The following TAF4 variants were observed in gnomAD, a reference collection of about 807,000 sequenced individuals.
TAF4 encodes transcription initiation factor TFIID subunit 4.
Under a neutral mutation model 90.3 loss-of-function variants are expected in TAF4, and 9 were observed. The observed-to-expected ratio is 0.10, with a 90% CI of 0.06 to 0.17. TAF4 has a LOEUF of 0.17. Among genes scored for constraint, TAF4 ranks in the 10% least tolerant of loss-of-function variants. The pLI, the probability that TAF4 is intolerant of heterozygous loss-of-function variation, is 1.00. For synonymous variants in TAF4, 818 were observed against 638.9 expected, an observed-to-expected ratio of 1.28 and a Z score of -4.23; for missense variants, 1,351 against 1,370.7, an observed-to-expected ratio of 0.99 and a Z score of 0.23.
chr20:62,003,954 C>A, intron 7 of TAF4, 76 bp from the exon 8 acceptor site: 1 of 1,467,878 alleles, frequency 6.8e-7, no homozygotes. Flanking sequence ...GCAGGAGGTT[C>A]TTCCCTTCCC....
intron 2 of TAF4, 26 bp downstream of exon 2, chr20:62,014,521 G>C (rs1358385434): frequency 6.4e-7 from 1 of 1,572,322 alleles, no homozygotes; most frequent in Non-Finnish European, 8.6e-7. Flanking sequence ...GAAGGGGTTC[G>C]CACTCCAGGG....
chr20:61,994,161 C>T lies in TAF4; in HGVS notation c.3090+3389G>A, dbSNP rs1441371011. ...CACCTCCCCCACAAAAAAGTAAGTCCTTAACTCTAAGTGCTCTTCTCGATA... is the reference window on the plus strand; with the variant it reads ...CACCTCCCCCACAAAAAAGTAAGTCTTTAACTCTAAGTGCTCTTCTCGATA... On this transcript the variant is annotated intron_variant, in intron 14 of 14. Coordinates refer to ENST00000252996, the MANE Select transcript of TAF4 (RefSeq NM_003185.4). Among the ~76,000 whole-genome samples, 3 of 151,528 alleles carry T rather than the reference C, an allele frequency of 2.0e-5. No individual in the cohort carries two copies. The East Asian group carries it at 5.8e-4, about 29-fold the overall frequency.
chr20:61,986,669 C>G (rs1254273532), intron 14 of TAF4, among the ~76,000 whole-genome samples: 1 of 152,260 alleles, frequency 6.6e-6, no homozygotes, highest in East Asian at 1.9e-4. Flanking sequence ...ATGGAACTAA[C>G]CTGAAGGAGC....
At chr20:62,015,978 A>C (rs952787987) in intron 1 of TAF4, among the ~76,000 whole-genome samples, 1 of 152,232 alleles carries the variant, frequency 6.6e-6, no homozygotes, top group African/African-American at 2.4e-5. Flanking sequence ...GAAATCAAAC[A>C]AAAACCAAAC....
At chr20:62,022,867 C>G (rs553699850) in intron 1 of TAF4, among the ~76,000 whole-genome samples, 34 of 152,102 alleles carry the variant, frequency 2.2e-4, no homozygotes, top group South Asian at 1.5e-3. Flanking sequence ...TGCAGCCCCC[C>G]CCCCGCACAT....
chr20:62,030,341 A>T, intron 1 of TAF4, among the ~76,000 whole-genome samples: 1 of 152,270 alleles, frequency 6.6e-6, no homozygotes, highest in South Asian at 2.1e-4. Context: ...ACCCAGAGTC[A>T]GGACACCACA....
chr20:62,026,657 C>T (rs896698709), intron 1 of TAF4, among the ~76,000 whole-genome samples: 5 of 152,180 alleles, frequency 3.3e-5, no homozygotes, highest in African/African-American at 9.7e-5. Flanking sequence ...CGCAGAAACA[C>T]GAATCCAGCA....
At chr20:62,055,961 G>C (rs966648508) in intron 1 of TAF4, among the ~76,000 whole-genome samples, 8 of 152,232 alleles carry the variant, frequency 5.3e-5, no homozygotes, top group Non-Finnish European at 1.0e-4. Context: ...TGCAGGCCAG[G>C]CGCAGTGGCT....
At chr20:62,029,113 G>A (rs768600984) in intron 1 of TAF4, among the ~76,000 whole-genome samples, 13 of 151,524 alleles carry the variant, frequency 8.6e-5, no homozygotes, top group Non-Finnish European at 1.6e-4. Flanking sequence ...GGAGAATGGT[G>A]TGAACCCAGG....
Position 61,976,151 on chromosome 20 carries a change from C to T in TAF4, c.*17G>A, listed in dbSNP as rs769076698. On this transcript the variant is annotated 3_prime_UTR_variant, in exon 15 of 15. Transcript: ENST00000252996. ...TAATCTGCAAATATATAAAAAGTCC[C>T]CAGGCGTCCTCCTGTGTCACTTAAG... 6.2e-7 allele frequency: 1 copy of T among 1,612,228 alleles called. No individual in the cohort carries two copies. The highest frequency in any genetic ancestry group is 1.3e-5 in the African/African-American group (1 of 75,026).
intron 3 of TAF4, among the ~76,000 whole-genome samples, chr20:62,011,199 ATTTT>A (rs28382063): frequency 2.7e-5 from 4 of 150,322 alleles, no homozygotes; most frequent in Admixed American, 6.6e-5. Context: ...ATAAGCATGG[ATTTT>A]TTTTTTAACT....
chr20:62,029,437 C>G (rs957010795), intron 1 of TAF4, among the ~76,000 whole-genome samples: 1 of 152,060 alleles, frequency 6.6e-6, no homozygotes, highest in Non-Finnish European at 1.5e-5. Flanking sequence ...TCGAAGGGAG[C>G]CCTGCTAGCT....
At position 61,997,422 on chromosome 20, in the gene TAF4, A is replaced by G. The variant is rs2055669884; in HGVS notation, c.3090+128T>C. On this transcript the variant is annotated intron_variant, in intron 14 of 14. Coordinates refer to ENST00000252996, the MANE Select transcript of TAF4 (RefSeq NM_003185.4). Reference sequence around the variant, plus strand: ...TCAAACGTAAAACAAATACTCCAGAAAAGGTGAGACAAAATGTAAATGGTA... The same window carrying G: ...TCAAACGTAAAACAAATACTCCAGAGAAGGTGAGACAAAATGTAAATGGTA... 5 of 1,203,898 alleles carry G rather than the reference A, an allele frequency of 4.2e-6. No individual in the cohort carries two copies. In the East Asian group the frequency reaches 1.4e-4, roughly 34 times the overall value. 74.6% of individuals were successfully genotyped at this position (1,203,898 alleles called of 1,614,324 possible).
intron 1 of TAF4, among the ~76,000 whole-genome samples, chr20:62,029,051 C>G (rs2145491363): frequency 6.6e-6 from 1 of 152,124 alleles, no homozygotes; most frequent in East Asian, 1.9e-4. Flanking sequence ...AAAAAATTAG[C>G]CGGGCACGGT....
chr20:61,999,230 G>C, intron 11 of TAF4, 122 bp from the exon 12 acceptor site: 2 of 1,301,402 alleles, frequency 1.5e-6, no homozygotes, highest in Non-Finnish European at 2.1e-6. Flanking sequence ...TGAATGCGGC[G>C]AGGACCCGAT....
At chr20:61,992,943 G>A (rs978236282) in intron 14 of TAF4, among the ~76,000 whole-genome samples, 7 of 152,010 alleles carry the variant, frequency 4.6e-5, no homozygotes, top group African/African-American at 1.5e-4. Context: ...AGATCACAAC[G>A]GTAAAAAATA....
intron 1 of TAF4, among the ~76,000 whole-genome samples, chr20:62,030,117 T>C (rs563464094): frequency 5.9e-5 from 9 of 152,152 alleles, no homozygotes; most frequent in African/African-American, 2.2e-4. Context: ...AGAGCCCCGA[T>C]AGGGGTGTGC....
chr20:62,032,379 G>A (rs915468660), intron 1 of TAF4, among the ~76,000 whole-genome samples: 1 of 152,230 alleles, frequency 6.6e-6, no homozygotes, highest in Non-Finnish European at 1.5e-5. Flanking sequence ...AACAAGCATC[G>A]CTTCTCTTCC....
intron 1 of TAF4, among the ~76,000 whole-genome samples, chr20:62,039,580 C>T (rs1437633560): frequency 2.0e-5 from 3 of 152,078 alleles, no homozygotes; most frequent in South Asian, 2.1e-4. Context: ...AGGCACAGGA[C>T]GAATTCTTAA....
Sources: allele counts gnomAD v4.1 joint callset (sites outside exome capture counted in the v4.1 genomes callset), GRCh38; gene constraint gnomAD v4.1.1; transcripts MANE v1.5; gene names NCBI Gene and HGNC (gene_info 2026-07-23, HGNC 2026-07-21).